DLGAP1: variants seen among roughly 807,000 people sequenced by gnomAD.
DLGAP1 encodes the protein disks large-associated protein 1.
Under a neutral mutation model 90.8 loss-of-function variants are expected in DLGAP1, and 11 were observed. That is an observed-to-expected ratio of 0.12 (90% CI 0.08 to 0.20). DLGAP1 has a LOEUF of 0.20. DLGAP1 is among the 10% of genes least tolerant of loss of function. DLGAP1 has a pLI of 1.00. For synonymous variants in DLGAP1, 558 were observed against 540.7 expected, an observed-to-expected ratio of 1.03 and a Z score of -0.44; for missense variants, 1,050 against 1,333.8, an observed-to-expected ratio of 0.79 and a Z score of 3.31.
intron 7 of DLGAP1, among the ~76,000 whole-genome samples, chr18:3,712,582 T>C (rs1274317840): frequency 6.6e-6 from 1 of 152,242 alleles, no homozygotes; most frequent in Admixed American, 6.5e-5. Context: ...GAATAAGCTC[T>C]GATTTTAAGC....
chr18:3,506,180 T>C (rs2050204539), intron 11 of DLGAP1, among the ~76,000 whole-genome samples: 2 of 151,038 alleles, frequency 1.3e-5, no homozygotes, highest in Non-Finnish European at 2.9e-5. Flanking sequence ...GAGATTGCAG[T>C]AAGCCAAGAT....
At chr18:3,887,219 A>C (rs184767638) in intron 3 of DLGAP1, among the ~76,000 whole-genome samples, 86 of 152,242 alleles carry the variant, frequency 5.6e-4, no homozygotes, top group Admixed American at 2.6e-3. Context: ...GCTCGCGGTT[A>C]TTTTGCTTTC....
intron 3 of DLGAP1, among the ~76,000 whole-genome samples, chr18:3,999,028 G>A (rs1468593611): frequency 1.3e-5 from 2 of 152,002 alleles, no homozygotes; most frequent in Admixed American, 6.6e-5. Flanking sequence ...ATAATGCAAA[G>A]TTTTACATGA....
At chr18:3,767,806 G>A (rs1386314870) in intron 5 of DLGAP1, among the ~76,000 whole-genome samples, 1 of 152,042 alleles carries the variant, frequency 6.6e-6, no homozygotes, top group Non-Finnish European at 1.5e-5. Context: ...AAGATCTACA[G>A]CTAATGATAT....
chr18:3,975,637 A>G (rs573314767), intron 3 of DLGAP1, among the ~76,000 whole-genome samples: 14 of 152,312 alleles, frequency 9.2e-5, no homozygotes, highest in African/African-American at 3.4e-4. Flanking sequence ...TGCTCATGGC[A>G]GCATTATTTA....
chr18:3,866,206 G>A (rs964332630), intron 4 of DLGAP1, among the ~76,000 whole-genome samples: 1 of 152,162 alleles, frequency 6.6e-6, no homozygotes, highest in Non-Finnish European at 1.5e-5. Flanking sequence ...CACCAGGGCT[G>A]CAGTCTGGAC....
intron 3 of DLGAP1, chr18:3,977,807 C>A: frequency 5.2e-6 from 2 of 388,242 alleles, no homozygotes; most frequent in East Asian, 7.9e-5. Context: ...TCAGAGGCGA[C>A]AACCTGGTGC....
At position 4,045,601 on chromosome 18, in the gene DLGAP1, T is replaced by TCAAA. The variant is rs376572609; in HGVS notation, c.-158-40404_-158-40401dup. Among the ~76,000 whole-genome samples, 303 of 151,478 alleles carry TCAAA rather than the reference T, an allele frequency of 2.0e-3. 2 individuals are homozygous for TCAAA. Among genetic ancestry groups the TCAAA allele is most frequent in the African/African-American group, 6.9e-3 (285 of 41,352 alleles). On this transcript the variant is annotated intron_variant, in intron 2 of 12. Coordinates refer to ENST00000315677, the MANE Select transcript of DLGAP1 (RefSeq NM_004746.4). ...TGGGTAACAGAGCAAGACCCTGGTC[T>TCAAA]CAAACAAACAAACAAACAAAAAAAC...
chr18:4,004,370 G>A (rs113724830), intron 3 of DLGAP1, among the ~76,000 whole-genome samples: 202 of 150,754 alleles, frequency 1.3e-3, no homozygotes, highest in Middle Eastern at 3.4e-3. Context: ...AGCTACCCCC[G>A]AGGCCCTCTG....
At chr18:3,854,202 ACTT>A (rs1351505477) in intron 4 of DLGAP1, among the ~76,000 whole-genome samples, 6 of 152,210 alleles carry the variant, frequency 3.9e-5, no homozygotes, top group Admixed American at 2.0e-4. Flanking sequence ...TGGTTGAATG[ACTT>A]TTCCTAAATG....
intron 2 of DLGAP1, among the ~76,000 whole-genome samples, chr18:4,089,977 G>A (rs1302853591): frequency 4.6e-5 from 7 of 152,068 alleles, no homozygotes; most frequent in Non-Finnish European, 7.4e-5. Flanking sequence ...CCCGGGAGGC[G>A]GAGTTTGCAG....
At chr18:3,822,082 C>G (rs2067452798) in intron 4 of DLGAP1, 1 of 747,282 alleles carries the variant, frequency 1.3e-6, no homozygotes. Context: ...TGTGCAGATC[C>G]CTAGGCATGA....
chr18:3,915,485 AAAGG>A (rs2072122546), intron 3 of DLGAP1, among the ~76,000 whole-genome samples: 1 of 152,212 alleles, frequency 6.6e-6, no homozygotes, highest in Admixed American at 6.5e-5. Context: ...AGGAGATTAA[AAAGG>A]AACAAAGATG....
At chr18:4,157,403 G>C (rs1470709928) in intron 1 of DLGAP1, among the ~76,000 whole-genome samples, 1 of 152,190 alleles carries the variant, frequency 6.6e-6, no homozygotes, top group Admixed American at 6.5e-5. Context: ...GACTTTCCAC[G>C]TGTCTGAGAC....
chr18:3,673,019 A>C (rs79481101), intron 7 of DLGAP1, among the ~76,000 whole-genome samples: 3,111 of 152,294 alleles, frequency 0.02, 108 homozygotes, highest in African/African-American at 0.071. Flanking sequence ...ATGATACTCT[A>C]AGACACCGAT....
At chr18:4,166,328 T>A (rs757966214) in intron 1 of DLGAP1, among the ~76,000 whole-genome samples, 1 of 152,284 alleles carries the variant, frequency 6.6e-6, no homozygotes, top group South Asian at 2.1e-4. Flanking sequence ...GAGTTACTAC[T>A]TCATACCCAT....
chr18:3,548,413 A>C (rs1402364076), intron 9 of DLGAP1, among the ~76,000 whole-genome samples: 1 of 152,030 alleles, frequency 6.6e-6, no homozygotes, highest in Non-Finnish European at 1.5e-5. Flanking sequence ...ACAAACTAGG[A>C]AAAGAAAGGA....
intron 1 of DLGAP1, among the ~76,000 whole-genome samples, chr18:4,363,969 C>A (rs995103074): frequency 2.0e-5 from 3 of 151,608 alleles, no homozygotes; most frequent in African/African-American, 4.9e-5. Flanking sequence ...ATGTTTATTG[C>A]GGCACTATTC....
chr18:3,497,501 T>C lies in DLGAP1; in HGVS notation c.*1684A>G, dbSNP rs2049734034. ...TAGAATATGTCCGTGAAAATATCTG[T>C]TGCTAGAACCCATCACCTCTCTTAA... On this transcript the variant is annotated 3_prime_UTR_variant, in exon 13 of 13. Transcript: ENST00000315677. 6.6e-6 allele frequency: 1 copy of C among 152,212 alleles called. No individual in the cohort carries two copies. The highest frequency in any genetic ancestry group is 2.1e-4 in the South Asian group (1 of 4,824). 9.4% of individuals were successfully genotyped at this position (152,212 alleles called of 1,614,324 possible).
Sources: gnomAD v4.1 joint callset for allele counts (sites outside exome capture counted in the v4.1 genomes callset) on GRCh38, gnomAD v4.1.1 for gene constraint, MANE v1.5 for transcripts, NCBI Gene and HGNC (gene_info 2026-07-23, HGNC 2026-07-21) for gene names.